The following ALOX12 variants were observed in gnomAD, a reference collection of about 807,000 sequenced individuals.
The protein encoded by ALOX12 is arachidonate 12-lipoxygenase, 12S type.
A neutral mutation model predicts 85.5 loss-of-function variants in ALOX12; 62 were observed. The ratio of observed to expected loss-of-function variants is 0.73; its 90% CI spans 0.59 to 0.90. The LOEUF (loss-of-function observed/expected upper bound fraction) is 0.90. ALOX12 is among the 40% of genes least tolerant of loss of function. The pLI, the probability that ALOX12 is intolerant of heterozygous loss-of-function variation, is 0.00. For missense variants in ALOX12, 751 were observed against 856.5 expected, an observed-to-expected ratio of 0.88 and a Z score of 1.54; for synonymous variants, 299 against 332.7, an observed-to-expected ratio of 0.90 and a Z score of 1.10.
chr17:7,002,814 T>C (rs1331724402), intron 8 of ALOX12, among the ~76,000 whole-genome samples: 1 of 152,096 alleles, frequency 6.6e-6, no homozygotes, highest in Non-Finnish European at 1.5e-5. Flanking sequence ...ACCAGAGTAA[T>C]TGTCAGAAAC....
Position 7,000,430 on chromosome 17 carries a change from T to C in ALOX12, c.902T>C (p.Val301Ala), listed in dbSNP as rs746728577. ...AAGCAATACCTGGCTGCCCCCCTCG[T>C]TATGCTGAAGATGGAGCCCAATGGG... ...GEKQYLAAPL[V>A]MLKMEPNGKL... Residue 301 changes from valine to alanine, a missense_variant, in exon 7 of 14, where the codon GTT (valine) becomes GCT (alanine). Val to Ala is a moderately conservative substitution (Grantham distance 64, BLOSUM62 0). Transcript: ENST00000251535. The surrounding 1 kb of genome is among the most constrained non-coding windows in gnomAD (Gnocchi z 4.6). The C allele has an allele frequency of 6.2e-7, 1 of 1,613,940 alleles. No individual in the cohort carries two copies. Among genetic ancestry groups the C allele is most frequent in the Non-Finnish European group, 8.5e-7 (1 of 1,180,016 alleles).
intron 2 of ALOX12, among the ~76,000 whole-genome samples, chr17:6,997,491 C>A (rs529145802): frequency 1.3e-5 from 2 of 151,362 alleles, no homozygotes; most frequent in African/African-American, 4.9e-5. Context: ...GGAAGACACC[C>A]GTGAAAGACA....
chr17:6,999,272 G>A (rs1435437924), intron 5 of ALOX12, 34 bp from the exon 6 acceptor site: 4 of 1,613,506 alleles, frequency 2.5e-6, no homozygotes, highest in Non-Finnish European at 2.5e-6. Flanking sequence ...TGCAGGCTGT[G>A]GTACATATAT....
chr17:7,003,345 A>G (rs1315495058), intron 8 of ALOX12, among the ~76,000 whole-genome samples: 2 of 152,200 alleles, frequency 1.3e-5, no homozygotes, highest in African/African-American at 4.8e-5. Context: ...ATGTCCTCAC[A>G]TGTTCCATCG....
intron 1 of ALOX12, 109 bp downstream of exon 1, chr17:6,996,361 G>A (rs1190489344): frequency 2.6e-6 from 3 of 1,162,538 alleles, no homozygotes; most frequent in South Asian, 8.8e-5. Flanking sequence ...AGGTGACAGC[G>A]CGACCTCGCG....
In ALOX12 at chr17:7,001,646, G is replaced by T. The variant is rs1251161446; in HGVS notation, c.996G>T (p.Leu332=). 6.2e-7 allele frequency: 1 copy of T among 1,614,042 alleles called. No individual in the cohort carries two copies. The highest frequency in any genetic ancestry group is 1.7e-5 in the Admixed American group (1 of 60,008). The change falls in exon 8 of 14, where the codon CTG becomes CTT. Residue 332 remains leucine, a synonymous_variant. Coordinates refer to ENST00000251535, the MANE Select transcript of ALOX12 (RefSeq NM_000697.3). ...NPSSPTPTLF[L]PSDPPLAWLL... is the part of the protein sequence containing the mutation. ...GCTCTCCAACCCCAACACTGTTCCTGCCCTCAGACCCCCCACTTGCCTGGC... is the reference window on the plus strand; with the variant it reads ...GCTCTCCAACCCCAACACTGTTCCTTCCCTCAGACCCCCCACTTGCCTGGC...
chr17:7,008,958 A>G (rs183214763), intron 11 of ALOX12, among the ~76,000 whole-genome samples: 181 of 152,194 alleles, frequency 1.2e-3, no homozygotes, highest in African/African-American at 4.2e-3. Flanking sequence ...TTAAATAGAG[A>G]CAGGCTCTTG....
At position 7,000,278 on chromosome 17, in the gene ALOX12, C is replaced by A. The variant is rs189431651; in HGVS notation, c.808-58C>A. On this transcript the variant is annotated intron_variant, in intron 6 of 13. Coordinates refer to ENST00000251535, the MANE Select transcript of ALOX12 (RefSeq NM_000697.3). This position sits in a 1 kb window ranked among gnomAD's most constrained non-coding sequence, Gnocchi z 4.6. ...AGACTAAATCTCTTGCCCTTTGCCC[C>A]GGCCCCCTGGGGGTAGACTTTGAAC... The A allele has an allele frequency of 6.3e-7, 1 of 1,595,032 alleles. No homozygotes were observed. Among genetic ancestry groups the A allele is most frequent in the South Asian group, 1.1e-5 (1 of 89,444 alleles).
Position 7,005,965 on chromosome 17 carries a change from G to C in ALOX12, c.1356G>C (p.Leu452=). The C allele has an allele frequency of 6.2e-7, 1 of 1,612,026 alleles. No homozygotes were observed. The highest frequency in any genetic ancestry group is 8.5e-7 in the Non-Finnish European group (1 of 1,179,378). Residue 452 remains leucine (L), a synonymous_variant, in exon 10 of 14, where the codon CTG becomes CTC. Coordinates refer to ENST00000251535, the MANE Select transcript of ALOX12 (RefSeq NM_000697.3). ...CTGACGACCTGGCTGACCGGGGCCT[G>C]CTGGGACTCCCAGGTGCTCTCTATG... The part of the protein sequence containing the change: ...CPPDDLADRG[L]LGLPGALYAH...
intron 2 of ALOX12, among the ~76,000 whole-genome samples, chr17:6,997,737 TTTTTAGTAG>T (rs964898393): frequency 1.2e-3 from 186 of 152,002 alleles, no homozygotes; most frequent in Non-Finnish European, 8.4e-4. Flanking sequence ...TTTTATATTT[TTTTTAGTAG>T]AGATGGAGTT....
At position 6,998,860 on chromosome 17, in the gene ALOX12, G is replaced by A. The variant is rs312470; in HGVS notation, c.542+23G>A. On this transcript the variant is annotated intron_variant, in intron 4 of 13. Transcript: ENST00000251535. Reference sequence around the variant, plus strand: ...AGGGTGAGAAAAAGGCTAGACCTCGGAGTGAAATAAGGGCTGGGAGGGCCA... The same window carrying A: ...AGGGTGAGAAAAAGGCTAGACCTCGAAGTGAAATAAGGGCTGGGAGGGCCA... 0.9 allele frequency: 1,451,120 copies of A among 1,613,954 alleles called. 659,461 individuals carry two copies. Among genetic ancestry groups the A allele is most frequent in the Middle Eastern group, 0.96 (5,821 of 6,062 alleles).
At position 7,009,082 on chromosome 17, in the gene ALOX12, C is replaced by T. The variant is rs1909246159; in HGVS notation, c.1541-665C>T. On this transcript the variant is annotated intron_variant, in intron 11 of 13. Coordinates refer to ENST00000251535, the MANE Select transcript of ALOX12 (RefSeq NM_000697.3). ...AATTGGTTTTTTTTTTTTTTTGAGA[C>T]AGACTCTCGTTGTGTCGCCCAGGCT... is the stretch of plus-strand genomic sequence containing the variant. Among the ~76,000 whole-genome samples the T allele has an allele frequency of 4.4e-5, 6 of 137,082 alleles. No homozygotes were observed. The Admixed American group carries it at 4.8e-4, about 11-fold the overall frequency. 89.9% of individuals were successfully genotyped at this position (137,082 alleles called of 152,430 possible).
chr17:7,001,269 C>T (rs1016524845), intron 7 of ALOX12: 3 of 302,274 alleles, frequency 9.9e-6, no homozygotes, highest in East Asian at 8.3e-5. Context: ...CTATTCTTAA[C>T]AGTCAGGTGA....
At chr17:7,001,850 CCA>C in intron 8 of ALOX12, 39 bp downstream of exon 8, 1 of 1,566,946 alleles carries the variant, frequency 6.4e-7, no homozygotes, top group Non-Finnish European at 8.8e-7. Flanking sequence ...CCCTCAGACC[CCA>C]GAGAGAGGAA....
Position 6,999,417 on chromosome 17 carries a change from T to C in ALOX12, c.758T>C (p.Leu253Pro), listed in dbSNP as rs1236422110. The C allele has an allele frequency of 6.2e-7, 1 of 1,614,210 alleles. No homozygotes were observed. Among genetic ancestry groups the C allele is most frequent in the South Asian group, 1.1e-5 (1 of 91,086 alleles). ...ACCTCTCTGCCCTCCAGGCTAGTGC[T>C]GCCCTCGGGGATGGAAGAGCTTCAG... Reference protein sequence around the residue: ...RSTSLPSRLVLPSGMEELQAQ... With the variant: ...RSTSLPSRLVPPSGMEELQAQ... Residue 253 changes from leucine to proline, a missense_variant, in exon 6 of 14, where the codon CTG (leucine) becomes CCG (proline). Leu to Pro is a moderately conservative substitution (Grantham distance 98). Transcript: ENST00000251535.
rs1126667 is a variant in ALOX12, at chr17:6,999,441, A to C, written c.782A>C (p.Gln261Pro). Residue 261 changes from glutamine to proline, a missense_variant, in exon 6 of 14, where the codon CAG becomes CCG. Coordinates refer to ENST00000251535, the MANE Select transcript of ALOX12 (RefSeq NM_000697.3). Reference protein sequence around the residue: ...LVLPSGMEELQAQLEKELQNG... With the variant: ...LVLPSGMEELPAQLEKELQNG... ...CTGCCCTCGGGGATGGAAGAGCTTC[A>C]GGCTCAACTGGAGAAAGAACTTCAG... is the stretch of plus-strand genomic sequence containing the variant. The C allele has an allele frequency of 3.7e-6, 6 of 1,613,754 alleles. No individual in the cohort carries two copies. The highest frequency in any genetic ancestry group is 4.2e-6 in the Non-Finnish European group (5 of 1,179,914).
At chr17:6,999,093 G>A (rs1908586308) in intron 5 of ALOX12, 37 bp downstream of exon 5, 1 of 1,590,742 alleles carries the variant, frequency 6.3e-7, no homozygotes, top group African/African-American at 1.3e-5. Flanking sequence ...ATCCCTTAAT[G>A]GCCCCTCTGG....
At chr17:7,001,885 G>A in intron 8 of ALOX12, 74 bp downstream of exon 8, 1 of 1,356,206 alleles carries the variant, frequency 7.4e-7, no homozygotes. Flanking sequence ...AAAAGATATT[G>A]CAGCAGCAAA....
In ALOX12 at chr17:7,006,034, A is replaced by G; in HGVS notation, c.1418+7A>G. ...TCTGGGAGATCATTGCCAGGTGAGT[A>G]AGGAGGAGCTGAGAAATGGTGGGGC... On this transcript the variant is annotated splice_region_variant and intron_variant, in intron 10 of 13. Coordinates refer to ENST00000251535, the MANE Select transcript of ALOX12 (RefSeq NM_000697.3). 1 of 1,035,718 alleles carries G rather than the reference A, an allele frequency of 9.7e-7. No homozygotes were observed. The highest frequency in any genetic ancestry group is 1.2e-6 in the Non-Finnish European group (1 of 818,282). 64.2% of individuals were successfully genotyped at this position (1,035,718 alleles called of 1,614,324 possible). A position where few individuals can be genotyped will look rare whatever the true frequency, so the allele number is the denominator to read the frequency against.
Sources: allele counts gnomAD v4.1 joint callset (sites outside exome capture counted in the v4.1 genomes callset), GRCh38; gene constraint gnomAD v4.1.1; non-coding constraint Gnocchi (gnomAD v3.1); transcripts MANE v1.5; gene names NCBI Gene and HGNC (gene_info 2026-07-23, HGNC 2026-07-21).